PHACTR1: variants seen among roughly 807,000 people sequenced by gnomAD.
PHACTR1 encodes the protein RPEL repeat containing 1.
PHACTR1 carries 16 observed loss-of-function variants against 69.2 expected under a neutral mutation model. The ratio of observed to expected loss-of-function variants is 0.23; its 90% CI spans 0.16 to 0.35. The LOEUF is 0.35. Among genes scored for constraint, PHACTR1 ranks in the 10% least tolerant of loss-of-function variants. PHACTR1 has a pLI of 1.00. For synonymous variants in PHACTR1, 312 were observed against 284.5 expected (o/e 1.10, Z -0.97); for missense variants, 510 against 734.7 (o/e 0.69, Z 3.54).
chr6:12,855,584 C>A (rs1280278956), intron 4 of PHACTR1, among the ~76,000 whole-genome samples: 1 of 151,992 alleles, frequency 6.6e-6, no homozygotes, highest in Non-Finnish European at 1.5e-5. Context: ...TAAGTGGGAG[C>A]TAAATTTTGG....
intron 4 of PHACTR1, among the ~76,000 whole-genome samples, chr6:12,974,420 G>T (rs929579866): frequency 2.0e-5 from 3 of 152,110 alleles, no homozygotes; most frequent in African/African-American, 7.2e-5. Flanking sequence ...CTCATGACAG[G>T]CTTCTGCTAG....
At chr6:13,165,339 T>C (rs937712184) in intron 6 of PHACTR1, among the ~76,000 whole-genome samples, 6 of 152,214 alleles carry the variant, frequency 3.9e-5, no homozygotes, top group Non-Finnish European at 8.8e-5. Context: ...ACCTATTTGC[T>C]TAAATTTGAA....
chr6:12,789,764 T>A (rs1408798698), intron 4 of PHACTR1, among the ~76,000 whole-genome samples: 1 of 151,686 alleles, frequency 6.6e-6, no homozygotes, highest in East Asian at 1.9e-4. Flanking sequence ...TTTTATTTTT[T>A]ATTTTTTTAT....
At chr6:12,984,805 G>T (rs1795944004) in intron 4 of PHACTR1, among the ~76,000 whole-genome samples, 1 of 152,092 alleles carries the variant, frequency 6.6e-6, no homozygotes, top group East Asian at 1.9e-4. Flanking sequence ...ACCGTCTAAT[G>T]ATGAATCTAT....
intron 4 of PHACTR1, among the ~76,000 whole-genome samples, chr6:12,907,661 G>C (rs919042878): frequency 6.6e-6 from 1 of 152,236 alleles, no homozygotes; most frequent in African/African-American, 2.4e-5. Context: ...AGAAGAAGGA[G>C]TGGGTACTAA....
rs186646523 is a variant in PHACTR1 at position 12,759,753 on chromosome 6, G to A, written c.250+9963G>A. Among the ~76,000 whole-genome samples, 11 of 152,272 alleles carry A rather than the reference G, an allele frequency of 7.2e-5. 1 individual carries two copies. Among genetic ancestry groups the A allele is most frequent in the Non-Finnish European group, 7.4e-5 (5 of 68,014 alleles). Reference sequence around the variant, plus strand: ...TATGTAGTGAAAGGGGCCCACAAAGGCAAAAGGACCTAGGACCATGGAAGT... The same window carrying A: ...TATGTAGTGAAAGGGGCCCACAAAGACAAAAGGACCTAGGACCATGGAAGT... On this transcript the variant is annotated intron_variant, in intron 4 of 14. Coordinates refer to ENST00000332995, the MANE Select transcript of PHACTR1 (RefSeq NM_030948.6).
intron 10 of PHACTR1, among the ~76,000 whole-genome samples, chr6:13,258,156 G>A (rs1370353476): frequency 1.3e-5 from 2 of 152,002 alleles, no homozygotes; most frequent in African/African-American, 2.4e-5. Flanking sequence ...TCAGGAGTTC[G>A]AGACCAGCCT....
chr6:13,070,592 A>G (rs897647010), intron 5 of PHACTR1, among the ~76,000 whole-genome samples: 3 of 152,182 alleles, frequency 2.0e-5, no homozygotes, highest in Admixed American at 2.0e-4. Flanking sequence ...TTTACTTGGA[A>G]ACATCACAGT....
intron 5 of PHACTR1, among the ~76,000 whole-genome samples, chr6:13,079,067 T>A (rs1327548656): frequency 1.3e-5 from 2 of 152,224 alleles, no homozygotes; most frequent in African/African-American, 4.8e-5. Context: ...AAGAGCAAAT[T>A]TTTTTAAGAT....
intron 5 of PHACTR1, among the ~76,000 whole-genome samples, chr6:13,135,259 G>T (rs1821368687): frequency 6.6e-6 from 1 of 152,176 alleles, no homozygotes; most frequent in Non-Finnish European, 1.5e-5. Context: ...ATCCGGTAGG[G>T]CAGTCCTGGG....
At chr6:12,998,375 T>G (rs1204673184) in intron 4 of PHACTR1, among the ~76,000 whole-genome samples, 1 of 152,062 alleles carries the variant, frequency 6.6e-6, no homozygotes, top group Non-Finnish European at 1.5e-5. Flanking sequence ...CTCAGCACTT[T>G]GGGAGGCTGA....
intron 8 of PHACTR1, among the ~76,000 whole-genome samples, chr6:13,208,296 G>A (rs1014630494): frequency 2.6e-5 from 4 of 152,168 alleles, no homozygotes; most frequent in Non-Finnish European, 5.9e-5. Context: ...CTGCAACCAC[G>A]TAAGTGCAGA....
chr6:13,106,119 A>T (rs1427341457), intron 5 of PHACTR1, among the ~76,000 whole-genome samples: 1 of 152,188 alleles, frequency 6.6e-6, no homozygotes, highest in Non-Finnish European at 1.5e-5. Flanking sequence ...TCATTTTAAC[A>T]TTTCTATGGG....
rs141541037 is a variant in PHACTR1, at chr6:13,244,418, C to G, written c.1391+14225C>G. The stretch of plus-strand genomic sequence containing the variant: ...AGGGTTTTGAGATCAACCAGTGTGA[C>G]CAAAATTTATTAGGTGAGAATTTCC... On this transcript the variant is annotated intron_variant, in intron 10 of 14. Transcript: ENST00000332995. Among the ~76,000 whole-genome samples, 367 of 152,220 alleles carry G rather than the reference C, an allele frequency of 2.4e-3. 1 individual carries two copies. The highest frequency in any genetic ancestry group is 8.3e-3 in the African/African-American group (344 of 41,518).
chr6:13,251,076 C>T (rs1291572641), intron 10 of PHACTR1, among the ~76,000 whole-genome samples: 2 of 152,224 alleles, frequency 1.3e-5, no homozygotes, highest in Non-Finnish European at 1.5e-5. Context: ...GCATCGTCCA[C>T]ATGCCTCTCC....
At chr6:13,254,340 T>C (rs1276557016) in intron 10 of PHACTR1, among the ~76,000 whole-genome samples, 2 of 152,168 alleles carry the variant, frequency 1.3e-5, no homozygotes, top group Non-Finnish European at 2.9e-5. Context: ...ACATGGAAAA[T>C]TGTTATTTAT....
intron 10 of PHACTR1, among the ~76,000 whole-genome samples, chr6:13,233,660 C>G (rs532247812): frequency 1.3e-5 from 2 of 152,248 alleles, no homozygotes; most frequent in Admixed American, 1.3e-4. Context: ...GAAACTGCCC[C>G]CATGATTCAG....
intron 4 of PHACTR1, among the ~76,000 whole-genome samples, chr6:12,768,361 T>A (rs757757170): frequency 6.6e-6 from 1 of 151,964 alleles, no homozygotes; most frequent in Non-Finnish European, 1.5e-5. Context: ...TGATCCGCCC[T>A]CCTCGGCCTC....
chr6:13,194,060 C>T (rs1280878964), intron 7 of PHACTR1, among the ~76,000 whole-genome samples: 1 of 152,122 alleles, frequency 6.6e-6, no homozygotes, highest in African/African-American at 2.4e-5. Context: ...ATCCTCTCAA[C>T]AGGTGTTTGT....
Sources: gnomAD v4.1 joint callset for allele counts (sites outside exome capture counted in the v4.1 genomes callset) on GRCh38, gnomAD v4.1.1 for gene constraint, MANE v1.5 for transcripts, NCBI Gene and HGNC (gene_info 2026-07-23, HGNC 2026-07-21) for gene names.